Variants in STK33 observed in about 807,000 individuals in gnomAD.
STK33 encodes serine/threonine kinase 33.
STK33 carries 52 observed loss-of-function variants against 58.0 expected under a neutral mutation model. That is an observed-to-expected ratio of 0.90 (90% CI 0.72 to 1.13). The LOEUF (loss-of-function observed/expected upper bound fraction) is 1.13. Among genes scored for constraint, STK33 ranks in the 50% most tolerant of loss-of-function variants. The probability of loss-of-function intolerance (pLI) is 0.00; values close to 1 mark genes in which losing one functional copy is unlikely to be tolerated. For synonymous variants in STK33, 215 were observed against 200.1 expected, an observed-to-expected ratio of 1.07 and a Z score of -0.63; for missense variants, 630 against 604.2, an observed-to-expected ratio of 1.04 and a Z score of -0.45.
chr11:8,549,509 C>G (rs1372111294), intron 1 of STK33, among the ~76,000 whole-genome samples: 1 of 151,314 alleles, frequency 6.6e-6, no homozygotes, highest in Non-Finnish European at 1.5e-5. Flanking sequence ...CCTTGTAGAA[C>G]GAGTTTGGAG....
Position 8,551,897 on chromosome 11 carries a change from C to G in STK33, c.-466+42186G>C, listed in dbSNP as rs891963744. On this transcript the variant is annotated intron_variant, in intron 1 of 15. Transcript: ENST00000687296. The stretch of plus-strand genomic sequence containing the variant: ...TCCAGCCTTTCCATGAACTGTACCC[C>G]TTGCAGCACTATGGCACTGGCCTGT... 7.9e-5 allele frequency among the ~76,000 whole-genome samples: 12 copies of G among 152,280 alleles called. No homozygotes were observed. The East Asian group carries it at 2.3e-3, about 29-fold the overall frequency.
intron 1 of STK33, among the ~76,000 whole-genome samples, chr11:8,543,333 T>G (rs1208461517): frequency 1.3e-5 from 2 of 152,248 alleles, no homozygotes; most frequent in Non-Finnish European, 2.9e-5. Context: ...ATTATTTTAT[T>G]TGGCCACATT....
the STK33 span, among the ~76,000 whole-genome samples, chr11:8,373,172 T>C: frequency 6.6e-6 from 1 of 151,856 alleles, no homozygotes; most frequent in Non-Finnish European, 1.5e-5. Flanking sequence ...ACAGCAAAGG[T>C]TGGGAAGCAA....
At chr11:8,399,641 T>C (rs575189272) in intron 15 of STK33, among the ~76,000 whole-genome samples, 1 of 151,952 alleles carries the variant, frequency 6.6e-6, no homozygotes, top group African/African-American at 2.4e-5. Context: ...AGGAAAAAGA[T>C]ACACAAAAAA....
intron 14 of STK33, among the ~76,000 whole-genome samples, chr11:8,430,855 T>A (rs2136148454): frequency 6.7e-6 from 1 of 148,608 alleles, no homozygotes; most frequent in East Asian, 2.0e-4. Context: ...CATGAGCTTT[T>A]CCTTAACATA....
intron 1 of STK33, among the ~76,000 whole-genome samples, chr11:8,508,258 C>T (rs958988085): frequency 7.3e-6 from 1 of 137,860 alleles, no homozygotes; most frequent in Admixed American, 7.6e-5. Context: ...AATACTCTAC[C>T]TTCTATTCTT....
intron 14 of STK33, among the ~76,000 whole-genome samples, chr11:8,431,926 T>C (rs1177906359): frequency 2.6e-5 from 4 of 152,198 alleles, no homozygotes. Context: ...CTTGCCTCCA[T>C]ACCTCTGGTC....
intron 13 of STK33, among the ~76,000 whole-genome samples, 191 bp from the exon 14 acceptor site, chr11:8,435,770 A>C (rs543661350): frequency 1.3e-5 from 2 of 152,334 alleles, no homozygotes; most frequent in East Asian, 3.9e-4. Context: ...TGGATTACCT[A>C]GTTTAATGGT....
At chr11:8,534,650 A>C (rs1315273395) in intron 1 of STK33, among the ~76,000 whole-genome samples, 1 of 148,262 alleles carries the variant, frequency 6.7e-6, no homozygotes, top group African/African-American at 2.5e-5. Context: ...TTTGGAACTC[A>C]TTGTTCTAAG....
chr11:8,400,618 A>T (rs1937683962), intron 15 of STK33, among the ~76,000 whole-genome samples: 1 of 152,212 alleles, frequency 6.6e-6, no homozygotes, highest in African/African-American at 2.4e-5. Flanking sequence ...AGTTCTGGCC[A>T]GGGCAATCAG....
chr11:8,386,763 G>A, the STK33 span, among the ~76,000 whole-genome samples: 1 of 152,228 alleles, frequency 6.6e-6, no homozygotes, highest in African/African-American at 2.4e-5. Flanking sequence ...AAAAGCTAGA[G>A]GAATGCAGGA....
At chr11:8,365,768 T>C in the STK33 span, among the ~76,000 whole-genome samples, 1 of 152,100 alleles carries the variant, frequency 6.6e-6, no homozygotes, top group Non-Finnish European at 1.5e-5. Flanking sequence ...CCGAAGCCTC[T>C]AGGGGGCCCC....
chr11:8,505,557 CCTAACCT>C (rs1279362276), intron 1 of STK33, among the ~76,000 whole-genome samples: 2 of 152,178 alleles, frequency 1.3e-5, no homozygotes, highest in African/African-American at 4.8e-5. Flanking sequence ...AGAAGGCTTC[CCTAACCT>C]CTAAGGCTGA....
the STK33 span, among the ~76,000 whole-genome samples, chr11:8,343,664 C>T: frequency 3.3e-5 from 5 of 152,204 alleles, no homozygotes; most frequent in East Asian, 5.8e-4. Context: ...AAGGCTGGGG[C>T]GAGTCTCATA....
At chr11:8,593,514 C>A (rs1444763134) in intron 1 of STK33, among the ~76,000 whole-genome samples, 1 of 152,178 alleles carries the variant, frequency 6.6e-6, no homozygotes, top group Admixed American at 6.5e-5. Context: ...TTATAATCTA[C>A]ATTTAGGAAG....
intron 1 of STK33, among the ~76,000 whole-genome samples, chr11:8,577,797 T>C (rs892920974): frequency 7.9e-5 from 12 of 152,116 alleles, no homozygotes; most frequent in African/African-American, 2.9e-4. Flanking sequence ...CTCTCTTCAA[T>C]TTATACATAA....
intron 14 of STK33, among the ~76,000 whole-genome samples, chr11:8,428,182 C>T (rs972909353): frequency 6.6e-6 from 1 of 152,160 alleles, no homozygotes; most frequent in Non-Finnish European, 1.5e-5. Context: ...GTTTGGAGGC[C>T]AAGAGGTAAG....
chr11:8,403,509 G>A (rs1938506662), intron 15 of STK33, among the ~76,000 whole-genome samples: 1 of 152,182 alleles, frequency 6.6e-6, no homozygotes, highest in Non-Finnish European at 1.5e-5. Context: ...GAGGTGGACA[G>A]CATCTCTGAG....
chr11:8,516,546 G>A (rs527890997), intron 1 of STK33, among the ~76,000 whole-genome samples: 47 of 152,358 alleles, frequency 3.1e-4, no homozygotes, highest in African/African-American at 1.1e-3. Flanking sequence ...CACCTCACCC[G>A]GGAAGTGCAA....
Sources: gnomAD v4.1 joint callset for allele counts (sites outside exome capture counted in the v4.1 genomes callset) on GRCh38, gnomAD v4.1.1 for gene constraint, MANE v1.5 for transcripts, NCBI Gene and HGNC (gene_info 2026-07-23, HGNC 2026-07-21) for gene names.